Variants in NEGR1 observed in about 807,000 individuals in gnomAD.
NEGR1 encodes neuronal growth regulator 1, also known as IgLON family member 4.
In NEGR1, 10 loss-of-function variants were observed where a neutral mutation model predicts 40.9. The ratio of observed to expected loss-of-function variants is 0.24; its 90% CI spans 0.15 to 0.42. The LOEUF (loss-of-function observed/expected upper bound fraction) is 0.42. NEGR1 is among the 10% of genes least tolerant of loss of function. NEGR1 has a pLI of 1.00. For synonymous variants in NEGR1, 185 were observed against 166.8 expected, an observed-to-expected ratio of 1.11 and a Z score of -0.84; for missense variants, 352 against 438.9, an observed-to-expected ratio of 0.80 and a Z score of 1.77.
At chr1:71,976,791 AT>A (rs1646308575) in intron 1 of NEGR1, among the ~76,000 whole-genome samples, 1 of 152,148 alleles carries the variant, frequency 6.6e-6, no homozygotes, top group African/African-American at 2.4e-5. Flanking sequence ...AAAGTAATAG[AT>A]ATGTTTTGAG....
At chr1:71,825,998 A>T (rs1658609027) in intron 2 of NEGR1, among the ~76,000 whole-genome samples, 1 of 151,832 alleles carries the variant, frequency 6.6e-6, no homozygotes, top group African/African-American at 2.4e-5. Flanking sequence ...AGGTATTGGC[A>T]TTCTCAGCTT....
At chr1:72,087,301 C>T (rs1215142077) in intron 1 of NEGR1, among the ~76,000 whole-genome samples, 1 of 151,884 alleles carries the variant, frequency 6.6e-6, no homozygotes, top group Non-Finnish European at 1.5e-5. Flanking sequence ...CAAGGTGGCG[C>T]GGATCTGTAA....
intron 1 of NEGR1, among the ~76,000 whole-genome samples, chr1:71,979,501 T>C (rs991416344): frequency 1.5e-4 from 23 of 152,180 alleles, no homozygotes; most frequent in African/African-American, 5.6e-4. Context: ...TAAAAGCATT[T>C]TGAAACTTTC....
chr1:71,519,729 TAAA>T (rs202110594), intron 6 of NEGR1, among the ~76,000 whole-genome samples: 2,564 of 128,770 alleles, frequency 0.02, 69 homozygotes, highest in African/African-American at 0.071. Context: ...TAGAGTATAA[TAAA>T]AAAAAAAAAA....
intron 1 of NEGR1, among the ~76,000 whole-genome samples, chr1:72,243,288 G>A (rs936517173): frequency 6.6e-6 from 1 of 151,742 alleles, no homozygotes; most frequent in Non-Finnish European, 1.5e-5. Context: ...TTCCTTAGAA[G>A]GATAAGCCTC....
chr1:72,247,172 C>T (rs1202101827), intron 1 of NEGR1, among the ~76,000 whole-genome samples: 2 of 152,166 alleles, frequency 1.3e-5, no homozygotes, highest in African/African-American at 4.8e-5. Flanking sequence ...GCCTTTGAGG[C>T]CTTTCCCCAT....
intron 2 of NEGR1, among the ~76,000 whole-genome samples, chr1:71,896,035 C>CTTTTTT (rs71074810): frequency 1.8e-5 from 2 of 111,214 alleles, no homozygotes; most frequent in Non-Finnish European, 1.8e-5. Flanking sequence ...TAACGTTTAA[C>CTTTTTT]TTTTTTTTTT....
intron 1 of NEGR1, among the ~76,000 whole-genome samples, chr1:72,257,823 A>C (rs1655325084): frequency 6.7e-6 from 1 of 149,538 alleles, no homozygotes; most frequent in African/African-American, 2.6e-5. Flanking sequence ...AGATATCTTA[A>C]ATTCATAAAG....
At chr1:71,786,224 TATA>T (rs1329817671) in intron 2 of NEGR1, among the ~76,000 whole-genome samples, 3 of 152,308 alleles carry the variant, frequency 2.0e-5, no homozygotes, top group Middle Eastern at 3.4e-3. Flanking sequence ...TTCAATTTAA[TATA>T]ATGCCACCAT....
intron 1 of NEGR1, among the ~76,000 whole-genome samples, chr1:71,980,575 T>C (rs895826682): frequency 6.6e-6 from 1 of 152,180 alleles, no homozygotes; most frequent in Non-Finnish European, 1.5e-5. Context: ...GATATAAATA[T>C]GCATCTGCTT....
In NEGR1 at chr1:71,806,227, A is replaced by T. The variant is rs577231624; in HGVS notation, c.410-29930T>A. Among the ~76,000 whole-genome samples the T allele has an allele frequency of 7.2e-5, 11 of 152,054 alleles. No individual in the cohort carries two copies. In the East Asian group the frequency reaches 1.7e-3, roughly 24 times the overall value. On this transcript the variant is annotated intron_variant, in intron 2 of 6. Coordinates refer to ENST00000357731, the MANE Select transcript of NEGR1 (RefSeq NM_173808.3). ...AGAAGATATATTAAAGTTATATTAA[A>T]TTTTTTAAGAAAATATACTATAAAA...
intron 3 of NEGR1, among the ~76,000 whole-genome samples, chr1:71,769,026 T>G (rs1337150420): frequency 6.6e-6 from 1 of 151,862 alleles, no homozygotes; most frequent in East Asian, 1.9e-4. Flanking sequence ...ATGCCTTGCC[T>G]CCTGTACAGC....
In NEGR1 at chr1:71,725,111, A is replaced by G. The variant is rs191488087; in HGVS notation, c.536-26972T>C. ...TATTTGGTTATTTCATTGCAAGAGA[A>G]AATCTGGTATCTATTATATTACTCT... On this transcript the variant is annotated intron_variant, in intron 3 of 6. Transcript: ENST00000357731. Among the ~76,000 whole-genome samples, 28 of 152,274 alleles carry G rather than the reference A, an allele frequency of 1.8e-4. No homozygotes were observed. In the East Asian group the frequency reaches 5.0e-3, roughly 27 times the overall value.
chr1:71,650,006 C>T (rs1404002571), intron 4 of NEGR1, among the ~76,000 whole-genome samples: 2 of 152,052 alleles, frequency 1.3e-5, no homozygotes, highest in African/African-American at 4.8e-5. Flanking sequence ...AGGAATTATA[C>T]TCCATATGGA....
At chr1:71,740,639 A>G (rs1046328877) in intron 3 of NEGR1, among the ~76,000 whole-genome samples, 15 of 152,136 alleles carry the variant, frequency 9.9e-5, no homozygotes, top group Non-Finnish European at 1.5e-5. Context: ...TTCAAGATAT[A>G]TTATTTTAAC....
At chr1:71,748,526 T>C (rs1235263022) in intron 3 of NEGR1, among the ~76,000 whole-genome samples, 2 of 152,170 alleles carry the variant, frequency 1.3e-5, no homozygotes, top group Non-Finnish European at 2.9e-5. Flanking sequence ...TGAGACCTTA[T>C]TAATGACCTA....
intron 1 of NEGR1, among the ~76,000 whole-genome samples, chr1:71,975,084 G>A (rs1646290111): frequency 6.6e-6 from 1 of 152,118 alleles, no homozygotes; most frequent in African/African-American, 2.4e-5. Flanking sequence ...AGAAAGAACT[G>A]TTTTTGCATG....
At chr1:72,156,736 G>A (rs916924158) in intron 1 of NEGR1, among the ~76,000 whole-genome samples, 2 of 152,032 alleles carry the variant, frequency 1.3e-5, no homozygotes, top group Admixed American at 6.6e-5. Flanking sequence ...AAAATACATG[G>A]AAGGGGAAAA....
chr1:72,089,726 A>T (rs1338571031), intron 1 of NEGR1, among the ~76,000 whole-genome samples: 2 of 151,964 alleles, frequency 1.3e-5, no homozygotes, highest in African/African-American at 4.8e-5. Context: ...ATTCCATCTC[A>T]TTAATTATAG....
Sources: gnomAD v4.1 joint callset for allele counts (sites outside exome capture counted in the v4.1 genomes callset) on GRCh38, gnomAD v4.1.1 for gene constraint, MANE v1.5 for transcripts, NCBI Gene and HGNC (gene_info 2026-07-23, HGNC 2026-07-21) for gene names.